Variants in FAM228B observed in about 807,000 individuals in gnomAD.
FAM228B encodes the protein family with sequence similarity 228 member B.
FAM228B carries 38 observed loss-of-function variants against 42.6 expected under a neutral mutation model. The ratio of observed to expected loss-of-function variants is 0.89; its 90% CI spans 0.69 to 1.17. The LOEUF is 1.17. Among genes scored for constraint, FAM228B ranks in the 50% most tolerant of loss-of-function variants. The probability of loss-of-function intolerance (pLI) is 0.00; values close to 1 mark genes in which losing one functional copy is unlikely to be tolerated. For missense variants in FAM228B, 344 were observed against 367.3 expected (o/e 0.94, Z 0.52); for synonymous variants, 109 against 122.3 (o/e 0.89, Z 0.72).
In FAM228B at chr2:24,077,684, C is replaced by T. The variant is rs1298747249; in HGVS notation, c.-290+715C>T. 2 of 1,614,006 alleles carry T rather than the reference C, an allele frequency of 1.2e-6. No homozygotes were observed. Among genetic ancestry groups the T allele is most frequent in the African/African-American group, 2.7e-5 (2 of 74,910 alleles). The stretch of plus-strand genomic sequence containing the variant: ...CTGGGTAGATTCTGTCCAGAACCGG[C>T]AGCAGACGTTGGGGGCCCTCCGTGG... On this transcript the variant is annotated intron_variant, in intron 1 of 10. Coordinates refer to the FAM228B transcript ENST00000613899. The surrounding 1 kb of genome is among the most constrained non-coding windows in gnomAD (Gnocchi z 5.5).
At chr2:24,128,062 T>C (rs1398165771) in intron 2 of FAM228B, among the ~76,000 whole-genome samples, 2 of 152,222 alleles carry the variant, frequency 1.3e-5, no homozygotes, top group Non-Finnish European at 2.9e-5. Flanking sequence ...ACTGATATTC[T>C]GGTAATTTTC....
At chr2:24,107,584 A>G (rs920176866) in intron 3 of FAM228B, among the ~76,000 whole-genome samples, 4 of 152,350 alleles carry the variant, frequency 2.6e-5, no homozygotes, top group South Asian at 4.1e-4. Flanking sequence ...CCACATTCTC[A>G]GACCACAGTG....
At chr2:24,106,243 C>T (rs925012698) in intron 3 of FAM228B, among the ~76,000 whole-genome samples, 5 of 151,442 alleles carry the variant, frequency 3.3e-5, no homozygotes, top group African/African-American at 7.3e-5. Context: ...AAGGGAACTC[C>T]ATCAGGCTAA....
chr2:24,077,492 G>C lies in FAM228B; in HGVS notation c.-290+523G>C. 7.0e-7 allele frequency: 1 copy of C among 1,425,276 alleles called. No homozygotes were observed. Among genetic ancestry groups the C allele is most frequent in the Admixed American group, 2.7e-5 (1 of 37,730 alleles). 88.3% of individuals were successfully genotyped at this position (1,425,276 alleles called of 1,614,324 possible). Reference sequence around the variant, plus strand: ...TAAACGGCTCTGGAGGAAGCACCGGGTTTCTTGGCCTGTCTATTGTGAATC... The same window carrying C: ...TAAACGGCTCTGGAGGAAGCACCGGCTTTCTTGGCCTGTCTATTGTGAATC... On this transcript the variant is annotated intron_variant, in intron 1 of 10. Coordinates refer to the FAM228B transcript ENST00000613899. This position sits in a 1 kb window ranked among gnomAD's most constrained non-coding sequence, Gnocchi z 5.5.
chr2:24,118,827 T>TTGAA (rs1047955035), upstream of FAM228B, among the ~76,000 whole-genome samples: 17 of 152,256 alleles, frequency 1.1e-4, no homozygotes, highest in East Asian at 3.9e-4. Context: ...TGAATGTTTG[T>TTGAA]TGAATGAATG....
intron 2 of FAM228B, among the ~76,000 whole-genome samples, chr2:24,124,766 T>C (rs1006604312): frequency 6.6e-6 from 1 of 152,230 alleles, no homozygotes; most frequent in Non-Finnish European, 1.5e-5. Context: ...TATTTATATT[T>C]GAGACAGGGT....
chr2:24,146,745 T>A lies in FAM228B; in HGVS notation c.442-3T>A. On this transcript the variant is annotated splice_polypyrimidine_tract_variant and splice_region_variant and intron_variant, in intron 5 of 10. Coordinates refer to ENST00000615575, the MANE Select transcript of FAM228B (RefSeq NM_001145710.2). ...AGTGCTTAAACAAGTGCCTCTCTTG[T>A]AGGTTACCATCCCACCATTTCATGA... 1 of 1,545,422 alleles carries A rather than the reference T, an allele frequency of 6.5e-7. No individual in the cohort carries two copies. The highest frequency in any genetic ancestry group is 8.7e-7 in the Non-Finnish European group (1 of 1,143,220).
At chr2:24,107,604 T>C (rs959830370) in intron 3 of FAM228B, among the ~76,000 whole-genome samples, 2 of 152,102 alleles carry the variant, frequency 1.3e-5, no homozygotes, top group African/African-American at 4.8e-5. Flanking sequence ...GCAATAAAAA[T>C]AGAAATCAAT....
chr2:24,119,828 T>C, upstream of FAM228B: 1 of 601,310 alleles, frequency 1.7e-6, no homozygotes, highest in Non-Finnish European at 2.8e-6. Context: ...ATATTTTCCA[T>C]ATGTTTATAT....
chr2:24,138,897 G>A (rs1398629366), intron 4 of FAM228B, among the ~76,000 whole-genome samples: 2 of 148,414 alleles, frequency 1.3e-5, no homozygotes, highest in Admixed American at 6.7e-5. Context: ...AGTGAGCCGA[G>A]ATCACACCTC....
intron 8 of FAM228B, among the ~76,000 whole-genome samples, chr2:24,162,092 CTG>C (rs1309445716): frequency 1.3e-5 from 2 of 152,016 alleles, no homozygotes; most frequent in African/African-American, 2.4e-5. Flanking sequence ...GAGCAAGACT[CTG>C]TCTCAAAAAC....
At position 24,095,714 on chromosome 2, in the gene FAM228B, G is replaced by C. The variant is rs776462143; in HGVS notation, c.-121+485G>C. On this transcript the variant is annotated intron_variant, in intron 3 of 10. Transcript: ENST00000613899. The surrounding 1 kb of genome is among the most constrained non-coding windows in gnomAD (Gnocchi z 4.8). ...CAAAAGGCAGCAGACAACTTTTGCA[G>C]ACTTAAAGGTCCCTGTCTGACAGCT... 2.6e-5 allele frequency: 4 copies of C among 152,524 alleles called. No homozygotes were observed. Among genetic ancestry groups the C allele is most frequent in the Non-Finnish European group, 5.9e-5 (4 of 68,178 alleles). 9.4% of individuals were successfully genotyped at this position (152,524 alleles called of 1,614,324 possible).
upstream of FAM228B, chr2:24,119,688 T>G (rs1041780919): frequency 6.2e-7 from 1 of 1,600,470 alleles, no homozygotes; most frequent in Non-Finnish European, 8.6e-7. Flanking sequence ...TTCTCCTGTA[T>G]AAAGAATATA....
At chr2:24,166,548 G>A (rs1667419806) in intron 9 of FAM228B, 1 of 152,166 alleles carries the variant, frequency 6.6e-6, no homozygotes, top group Admixed American at 6.5e-5. Flanking sequence ...CTCTGAGCCA[G>A]GCAGTGTTTG....
At chr2:24,122,536 G>C (rs748171442), upstream of FAM228B, 8 of 1,605,048 alleles carry the variant, frequency 5.0e-6, no homozygotes, top group Admixed American at 1.7e-5. Context: ...AATGGCTCAT[G>C]TTCCCTCAAC....
At position 24,138,087 on chromosome 2, in the gene FAM228B, A is replaced by C; in HGVS notation, c.347A>C (p.His116Pro). The C allele has an allele frequency of 6.5e-7, 1 of 1,531,554 alleles. No individual in the cohort carries two copies. The highest frequency in any genetic ancestry group is 2.5e-5 in the East Asian group (1 of 40,760). 94.9% of individuals were successfully genotyped at this position (1,531,554 alleles called of 1,614,324 possible). ...GGGGAATTAGATGGCTTTTTAAAACATGTAAATAAAAAGGTACTAAGAGAT... is the reference window on the plus strand; with the variant it reads ...GGGGAATTAGATGGCTTTTTAAAACCTGTAAATAAAAAGGTACTAAGAGAT... ...RQGELDGFLKHVNKKGNAFIE... is the reference protein window; with the variant it reads ...RQGELDGFLKPVNKKGNAFIE... The change falls in exon 4 of 11, where the codon CAT (histidine) becomes CCT (proline). Residue 116 changes from histidine to proline, a missense_variant. Coordinates refer to ENST00000615575, the MANE Select transcript of FAM228B (RefSeq NM_001145710.2).
chr2:24,080,968 G>A lies in FAM228B; in HGVS notation c.-210+13G>A, dbSNP rs1664976353. ...TCCAGCCATCCGGGTGAGTTGGATAGCAGCTGTGCCCACACCACTCAGTCC... is the reference window on the plus strand; with the variant it reads ...TCCAGCCATCCGGGTGAGTTGGATAACAGCTGTGCCCACACCACTCAGTCC... On this transcript the variant is annotated intron_variant, in intron 2 of 10. Transcript: ENST00000613899. This position sits in a 1 kb window ranked among gnomAD's most constrained non-coding sequence, Gnocchi z 4.7. 1 of 1,614,194 alleles carries A rather than the reference G, an allele frequency of 6.2e-7. No individual in the cohort carries two copies. The highest frequency in any genetic ancestry group is 8.5e-7 in the Non-Finnish European group (1 of 1,180,034).
intron 2 of FAM228B, among the ~76,000 whole-genome samples, chr2:24,087,777 ATTTTTTTTT>A (rs34256592): frequency 1.6e-5 from 2 of 128,212 alleles, no homozygotes; most frequent in Admixed American, 8.0e-5. Flanking sequence ...CACCAGGGTA[ATTTTTTTTT>A]TTTTTTTTTT....
chr2:24,091,208 C>A (rs569690591), intron 2 of FAM228B, among the ~76,000 whole-genome samples: 67 of 152,280 alleles, frequency 4.4e-4, no homozygotes, highest in Non-Finnish European at 9.4e-4. Context: ...CTTTGGGAGG[C>A]GGATGACGAG....
Sources: gnomAD v4.1 joint callset for allele counts (sites outside exome capture counted in the v4.1 genomes callset) on GRCh38, gnomAD v4.1.1 for gene constraint, Gnocchi (gnomAD v3.1) non-coding constraint, MANE v1.5 for transcripts, NCBI Gene and HGNC (gene_info 2026-07-23, HGNC 2026-07-21) for gene names.